ATOSA: variants seen among roughly 807,000 people sequenced by gnomAD.
ATOSA encodes the protein atos homolog protein A.
the ATOSA span, among the ~76,000 whole-genome samples, chr15:52,628,950 T>C: frequency 6.6e-6 from 1 of 152,188 alleles, no homozygotes; most frequent in South Asian, 2.1e-4. Flanking sequence ...GTAAATCTTC[T>C]CCTTTATACA....
chr15:52,611,851 T>C, the ATOSA span: 2 of 1,330,776 alleles, frequency 1.5e-6, no homozygotes, highest in South Asian at 1.3e-5. Context: ...AAAATTATCA[T>C]TGTAAAGTAG....
At chr15:52,679,757 TCCTCCTC>T in the ATOSA span, among the ~76,000 whole-genome samples, 2 of 6,574 alleles carry the variant, frequency 3.0e-4, no homozygotes, top group South Asian at 6.0e-3. Context: ...AGTCGTCGTC[TCCTCCTC>T]CTCCTCCTCC....
At chr15:52,584,824 G>A in the ATOSA span, 1 of 1,613,536 alleles carries the variant, frequency 6.2e-7, no homozygotes. Context: ...TTCACTTCTT[G>A]TTTAACAGGT....
the ATOSA span, among the ~76,000 whole-genome samples, chr15:52,707,505 C>T: frequency 1.3e-5 from 2 of 152,032 alleles, no homozygotes; most frequent in Non-Finnish European, 2.9e-5. Flanking sequence ...CCATAAAAGA[C>T]AAAGACAGAC....
chr15:52,665,032 T>A, the ATOSA span, among the ~76,000 whole-genome samples: 1 of 152,198 alleles, frequency 6.6e-6, no homozygotes, highest in Non-Finnish European at 1.5e-5. Context: ...ATATTGCACG[T>A]TCTCACTTGT....
At chr15:52,704,819 A>G in the ATOSA span, among the ~76,000 whole-genome samples, 1 of 152,216 alleles carries the variant, frequency 6.6e-6, no homozygotes, top group Admixed American at 6.5e-5. Context: ...ATCTCACGCC[A>G]GTTAGAATGG....
At chr15:52,629,640 A>G in the ATOSA span, 17 of 408,414 alleles carry the variant, frequency 4.2e-5, no homozygotes, top group Non-Finnish European at 7.9e-5. Context: ...TGTCTCTACT[A>G]AAAATACAAA....
At chr15:52,610,987 C>T in the ATOSA span, 2 of 954,610 alleles carry the variant, frequency 2.1e-6, no homozygotes, top group East Asian at 2.6e-5. Flanking sequence ...ATCTCTCTAA[C>T]TTGTTTTGAA....
the ATOSA span, among the ~76,000 whole-genome samples, chr15:52,647,843 GTCTCT>G: frequency 6.6e-6 from 1 of 152,094 alleles, no homozygotes; most frequent in Non-Finnish European, 1.5e-5. Context: ...TGCCTTCTAT[GTCTCT>G]TCTCATTTTA....
At chr15:52,678,276 C>T in the ATOSA span, 2 of 601,328 alleles carry the variant, frequency 3.3e-6, no homozygotes, top group East Asian at 5.5e-5. Flanking sequence ...CACCGCCTCC[C>T]CCATCTCCTC....
At chr15:52,671,700 G>C in the ATOSA span, among the ~76,000 whole-genome samples, 1 of 152,028 alleles carries the variant, frequency 6.6e-6, no homozygotes, top group Admixed American at 6.6e-5. Flanking sequence ...TGAGCACTTT[G>C]GATAGGGTAG....
the ATOSA span, chr15:52,598,440 C>T: frequency 5.0e-3 from 766 of 152,254 alleles, 3 homozygotes; most frequent in Non-Finnish European, 7.2e-3. Flanking sequence ...TCATGATTTC[C>T]CCCAACAACA....
chr15:52,584,883 T>G, the ATOSA span: 4 of 1,613,404 alleles, frequency 2.5e-6, no homozygotes, highest in Non-Finnish European at 3.4e-6. Flanking sequence ...GGCTGGCATA[T>G]CTCGTAAATC....
the ATOSA span, among the ~76,000 whole-genome samples, chr15:52,667,568 G>C: frequency 1.3e-5 from 2 of 152,224 alleles, no homozygotes; most frequent in African/African-American, 4.8e-5. Context: ...TTAACGGCTG[G>C]CTCAGAGAGG....
the ATOSA span, among the ~76,000 whole-genome samples, chr15:52,666,463 T>C: frequency 1.3e-5 from 2 of 152,194 alleles, no homozygotes; most frequent in African/African-American, 4.8e-5. Flanking sequence ...CTATCTTGTA[T>C]ATAGGGAGTT....
At chr15:52,644,765 C>A in the ATOSA span, among the ~76,000 whole-genome samples, 234 of 152,198 alleles carry the variant, frequency 1.5e-3, no homozygotes, top group African/African-American at 5.4e-3. Flanking sequence ...ATTAGGCAAT[C>A]ACTAAATCTC....
chr15:52,611,519 A>T, the ATOSA span: 5 of 1,529,720 alleles, frequency 3.3e-6, no homozygotes, highest in Non-Finnish European at 4.5e-6. Context: ...ATTTATAAGA[A>T]GTAATGGAAA....
the ATOSA span, chr15:52,609,274 C>T: frequency 2.5e-6 from 4 of 1,613,830 alleles, no homozygotes; most frequent in African/African-American, 4.0e-5. Flanking sequence ...TAACAAGGAA[C>T]ATTTTGTGTG....
At chr15:52,619,474 G>GA in the ATOSA span, among the ~76,000 whole-genome samples, 6 of 151,038 alleles carry the variant, frequency 4.0e-5, no homozygotes, top group South Asian at 2.1e-4. Flanking sequence ...ACTTTTACAA[G>GA]AAAAAAAACA....
Sources: gnomAD v4.1 joint callset for allele counts (sites outside exome capture counted in the v4.1 genomes callset) on GRCh38, gnomAD v4.1.1 for gene constraint, MANE v1.5 for transcripts, NCBI Gene and HGNC (gene_info 2026-07-23, HGNC 2026-07-21) for gene names.